The following C10orf90 variants were observed in gnomAD, a reference collection of about 807,000 sequenced individuals.
The protein encoded by C10orf90 is chromosome 10 open reading frame 90, also known as (E2-independent) E3 ubiquitin-conjugating enzyme FATS.
A neutral mutation model predicts 62.5 loss-of-function variants in C10orf90; 56 were observed. That is an observed-to-expected ratio of 0.90 (90% confidence interval 0.72 to 1.12). The LOEUF (loss-of-function observed/expected upper bound fraction) is 1.12. Ranked by LOEUF, C10orf90 falls within the 50% of genes most tolerant of loss-of-function variation. C10orf90 has a pLI of 0.00. For missense variants in C10orf90, 970 were observed against 880.4 expected, an observed-to-expected ratio of 1.10 and a Z score of -1.29; for synonymous variants, 386 against 340.4, an observed-to-expected ratio of 1.13 and a Z score of -1.47.
At chr10:126,565,701 C>T (rs1043151364) in intron 2 of C10orf90, among the ~76,000 whole-genome samples, 4 of 151,996 alleles carry the variant, frequency 2.6e-5, no homozygotes, top group South Asian at 2.1e-4. Context: ...TGAAAAGAGG[C>T]CATCCCCATG....
chr10:126,612,356 T>C (rs1483047797), intron 2 of C10orf90, among the ~76,000 whole-genome samples: 4 of 152,050 alleles, frequency 2.6e-5, no homozygotes, highest in African/African-American at 9.7e-5. Context: ...AAAAGTCACA[T>C]GCAGCCAGTG....
intron 4 of C10orf90, among the ~76,000 whole-genome samples, chr10:126,486,775 G>A (rs1458688732): frequency 6.6e-6 from 1 of 152,090 alleles, no homozygotes; most frequent in African/African-American, 2.4e-5. Context: ...AAAATTTAAT[G>A]AAAGCATCAT....
chr10:126,636,408 G>C (rs1160068393), intron 2 of C10orf90, among the ~76,000 whole-genome samples: 1 of 152,146 alleles, frequency 6.6e-6, no homozygotes, highest in Non-Finnish European at 1.5e-5. Flanking sequence ...AGCAGGTTAG[G>C]AGGTAATTCG....
rs1864444819 is a variant in C10orf90 at position 126,544,435 on chromosome 10, GGGCCATTGCGTGA to G, written c.314-30509_314-30497del. Among the ~76,000 whole-genome samples, 4 of 152,208 alleles carry G rather than the reference GGGCCATTGCGTGA, an allele frequency of 2.6e-5. 1 individual carries two copies. The highest frequency in any genetic ancestry group is 6.8e-3 in the Middle Eastern group (2 of 294). ...GCTCGTGGGCCACTACCCCTGCTGGGGGCCATTGCGTGAAATAACACCTGTAACTGTACAGTGC... is the reference window on the plus strand; with the variant it reads ...GCTCGTGGGCCACTACCCCTGCTGGGAATAACACCTGTAACTGTACAGTGC... On this transcript the variant is annotated intron_variant, in intron 2 of 9. Transcript: ENST00000488181.
At chr10:126,499,746 G>T (rs941114509) in intron 4 of C10orf90, among the ~76,000 whole-genome samples, 2 of 152,130 alleles carry the variant, frequency 1.3e-5, no homozygotes, top group Non-Finnish European at 2.9e-5. Flanking sequence ...ACCAAAGCCT[G>T]TGAACTGACT....
chr10:126,510,729 T>C (rs1459348615), intron 3 of C10orf90, among the ~76,000 whole-genome samples: 2 of 152,246 alleles, frequency 1.3e-5, no homozygotes, highest in Non-Finnish European at 2.9e-5. Context: ...GATGATTTTG[T>C]AGTGCTGGTA....
chr10:126,640,368 C>T (rs542708627), intron 2 of C10orf90, among the ~76,000 whole-genome samples: 15 of 152,310 alleles, frequency 9.8e-5, no homozygotes, highest in African/African-American at 3.4e-4. Flanking sequence ...CACCCTGCTC[C>T]GCAGGTTTGC....
chr10:126,606,770 T>C (rs1337350955), intron 2 of C10orf90, among the ~76,000 whole-genome samples: 3 of 152,184 alleles, frequency 2.0e-5, no homozygotes, highest in Admixed American at 6.5e-5. Context: ...TAGCTGCTTT[T>C]GTTGGGGTAT....
chr10:126,559,127 C>A (rs1864845557), intron 2 of C10orf90, among the ~76,000 whole-genome samples: 2 of 152,192 alleles, frequency 1.3e-5, no homozygotes, highest in South Asian at 4.1e-4. Flanking sequence ...CTCTTATATA[C>A]CTGGCTGTGT....
In C10orf90 at chr10:126,534,356, C is replaced by T. The variant is rs115742427; in HGVS notation, c.314-20417G>A. On this transcript the variant is annotated intron_variant, in intron 2 of 9. Coordinates refer to ENST00000488181, the MANE Select transcript of C10orf90 (RefSeq NM_001350921.2). The stretch of plus-strand genomic sequence containing the variant: ...GCCACTTAAGAATTTCTGCTCATCT[C>T]TTCTCTGCCATTTCTGTTTCTATGG... 6.1e-3 allele frequency among the ~76,000 whole-genome samples: 928 copies of T among 152,298 alleles called. 9 individuals carry two copies. Among genetic ancestry groups the T allele is most frequent in the African/African-American group, 0.021 (882 of 41,556 alleles).
At chr10:126,469,794 T>C in intron 4 of C10orf90, 1 of 446,586 alleles carries the variant, frequency 2.2e-6, no homozygotes, top group Non-Finnish European at 4.5e-6. Context: ...AGCATCTAAC[T>C]GGAAACCAGT....
intron 2 of C10orf90, among the ~76,000 whole-genome samples, chr10:126,578,924 A>T (rs1309342740): frequency 2.6e-5 from 4 of 152,234 alleles, no homozygotes; most frequent in Non-Finnish European, 4.4e-5. Context: ...GTGGCTAAAA[A>T]AAGACATGGG....
chr10:126,586,057 T>C (rs1844864359), intron 2 of C10orf90, among the ~76,000 whole-genome samples: 1 of 152,212 alleles, frequency 6.6e-6, no homozygotes, highest in African/African-American at 2.4e-5. Context: ...CTTTCCAGCC[T>C]CTCAAAAGAT....
At position 126,576,710 on chromosome 10, in the gene C10orf90, T is replaced by C. The variant is rs1480312134; in HGVS notation, c.314-62771A>G. 5.9e-3 allele frequency among the ~76,000 whole-genome samples: 202 copies of C among 34,100 alleles called. 21 individuals carry two copies. Among genetic ancestry groups the C allele is most frequent in the African/African-American group, 0.027 (178 of 6,624 alleles). 22.4% of individuals were successfully genotyped at this position (34,100 alleles called of 152,430 possible). On this transcript the variant is annotated intron_variant, in intron 2 of 9. Coordinates refer to ENST00000488181, the MANE Select transcript of C10orf90 (RefSeq NM_001350921.2). ...ATATACATGTATATGTATATGTATA[T>C]ATATACAAGATATACATATATATGT...
intron 2 of C10orf90, among the ~76,000 whole-genome samples, chr10:126,622,715 G>A (rs564314723): frequency 6.6e-6 from 1 of 152,238 alleles, no homozygotes; most frequent in East Asian, 1.9e-4. Context: ...CCTGAAACCT[G>A]AATGACAGGG....
chr10:126,579,934 T>A (rs998203127), intron 2 of C10orf90, among the ~76,000 whole-genome samples: 9 of 152,166 alleles, frequency 5.9e-5, no homozygotes, highest in Admixed American at 5.2e-4. Flanking sequence ...ATCTTTTATA[T>A]GAAGCTGATG....
At chr10:126,440,298 T>A (rs1858222788) in intron 7 of C10orf90, among the ~76,000 whole-genome samples, 1 of 152,078 alleles carries the variant, frequency 6.6e-6, no homozygotes, top group Non-Finnish European at 1.5e-5. Flanking sequence ...CCTGCATGAC[T>A]CAGCAGAGGG....
At chr10:126,609,780 C>A (rs1313836347) in intron 2 of C10orf90, among the ~76,000 whole-genome samples, 1 of 152,202 alleles carries the variant, frequency 6.6e-6, no homozygotes, top group Non-Finnish European at 1.5e-5. Context: ...AGTGATGGCC[C>A]ACGTGGCTCT....
intron 2 of C10orf90, among the ~76,000 whole-genome samples, chr10:126,638,006 C>T (rs942335030): frequency 6.6e-6 from 1 of 152,150 alleles, no homozygotes; most frequent in Non-Finnish European, 1.5e-5. Flanking sequence ...GAAGGACTTA[C>T]TCATGGTTGG....
Sources: allele counts gnomAD v4.1 joint callset (sites outside exome capture counted in the v4.1 genomes callset), GRCh38; gene constraint gnomAD v4.1.1; transcripts MANE v1.5; gene names NCBI Gene and HGNC (gene_info 2026-07-23, HGNC 2026-07-21).